The following SEMA3A variants were observed in gnomAD, a reference collection of about 807,000 sequenced individuals.
SEMA3A encodes semaphorin-3A.
Under a neutral mutation model 97.9 loss-of-function variants are expected in SEMA3A, and 29 were observed. That is an observed-to-expected ratio of 0.30 (90% CI 0.22 to 0.40). The LOEUF (loss-of-function observed/expected upper bound fraction) is 0.40, where lower values mean the gene tolerates loss of function less well. Among genes scored for constraint, SEMA3A ranks in the 10% least tolerant of loss-of-function variants. The probability of loss-of-function intolerance (pLI) is 1.00; values close to 1 mark genes in which losing one functional copy is unlikely to be tolerated. For missense variants in SEMA3A, 763 were observed against 951.3 expected (o/e 0.80, Z 2.60); for synonymous variants, 321 against 323.7 (o/e 0.99, Z 0.09).
intron 1 of SEMA3A, among the ~76,000 whole-genome samples, chr7:84,463,433 A>G (rs1053051058): frequency 2.6e-5 from 4 of 151,596 alleles, no homozygotes; most frequent in African/African-American, 9.7e-5. Context: ...TATTTTTAGT[A>G]GAGACGGGGT....
intron 3 of SEMA3A, among the ~76,000 whole-genome samples, chr7:84,218,278 T>C (rs1798796792): frequency 6.6e-6 from 1 of 152,112 alleles, no homozygotes; most frequent in African/African-American, 2.4e-5. Context: ...CTAATAATGA[T>C]TTAAAAATTT....
chr7:84,191,071 A>C (rs1251311839), intron 1 of SEMA3A, among the ~76,000 whole-genome samples: 3 of 151,238 alleles, frequency 2.0e-5, no homozygotes, highest in African/African-American at 7.3e-5. Flanking sequence ...TTAATTTTTG[A>C]ACTAATTGTA....
chr7:84,408,509 G>C (rs1269021549), intron 1 of SEMA3A, among the ~76,000 whole-genome samples: 3 of 151,980 alleles, frequency 2.0e-5, no homozygotes, highest in Non-Finnish European at 4.4e-5. Context: ...TCTAGAACTA[G>C]AAATACCATC....
At chr7:83,980,771 G>A (rs921412029) in intron 14 of SEMA3A, among the ~76,000 whole-genome samples, 6 of 151,184 alleles carry the variant, frequency 4.0e-5, no homozygotes, top group African/African-American at 7.3e-5. Flanking sequence ...GCAAATGCAA[G>A]GTGATGCTAT....
At chr7:84,285,970 CAA>C (rs564063430) in intron 3 of SEMA3A, among the ~76,000 whole-genome samples, 19 of 70,122 alleles carry the variant, frequency 2.7e-4, no homozygotes, top group East Asian at 2.0e-3. Flanking sequence ...GACCCCATCT[CAA>C]AAAAAAAAAA....
chr7:84,292,430 T>C (rs1312743863), intron 3 of SEMA3A, among the ~76,000 whole-genome samples: 1 of 149,664 alleles, frequency 6.7e-6, no homozygotes, highest in African/African-American at 2.5e-5. Context: ...ATTGAATACT[T>C]GACTAAAAAA....
chr7:84,253,017 T>C (rs963582717), intron 3 of SEMA3A, among the ~76,000 whole-genome samples: 1 of 152,146 alleles, frequency 6.6e-6, no homozygotes, highest in Non-Finnish European at 1.5e-5. Context: ...TAGCTGGGAC[T>C]ACAGGCGTGT....
chr7:84,169,355 T>C (rs1797312819), intron 1 of SEMA3A, among the ~76,000 whole-genome samples: 2 of 151,036 alleles, frequency 1.3e-5, no homozygotes, highest in African/African-American at 4.8e-5. Flanking sequence ...TATTCACTTA[T>C]AGGATGTCTA....
chr7:83,983,944 A>T (rs1204825762), intron 13 of SEMA3A, among the ~76,000 whole-genome samples: 1 of 152,192 alleles, frequency 6.6e-6, no homozygotes, highest in African/African-American at 2.4e-5. Flanking sequence ...CATAAGCATG[A>T]ATGAAATTGA....
Position 84,287,846 on chromosome 7 carries a change from A to G in SEMA3A, c.-83+19361T>C, listed in dbSNP as rs74506276. 0.013 allele frequency among the ~76,000 whole-genome samples: 1,939 copies of G among 152,262 alleles called. 63 individuals carry two copies. In the East Asian group the frequency reaches 0.14, roughly 11 times the overall value. On this transcript the variant is annotated intron_variant, in intron 3 of 3. Transcript: ENST00000424555. ...TGCATTAGAAAGTTCTTATAAGACA[A>G]TGAGAAGGACTATTTAATTTGACTA...
chr7:84,041,857 C>T (rs951545997), intron 6 of SEMA3A, among the ~76,000 whole-genome samples: 4 of 151,926 alleles, frequency 2.6e-5, no homozygotes, highest in East Asian at 1.9e-4. Context: ...AAGAAATAAT[C>T]AAAAATGACA....
intron 1 of SEMA3A, among the ~76,000 whole-genome samples, chr7:84,135,403 G>T (rs1796096149): frequency 6.6e-6 from 1 of 151,964 alleles, no homozygotes; most frequent in Non-Finnish European, 1.5e-5. Flanking sequence ...GAGCCAGTGT[G>T]CCCGGCCTGC....
At chr7:84,468,417 T>C (rs1407395543) in intron 1 of SEMA3A, among the ~76,000 whole-genome samples, 1 of 152,164 alleles carries the variant, frequency 6.6e-6, no homozygotes, top group African/African-American at 2.4e-5. Flanking sequence ...AGGTGCCTAG[T>C]TTACTGCATT....
chr7:84,330,529 T>G (rs560707058), intron 2 of SEMA3A, among the ~76,000 whole-genome samples: 8 of 152,176 alleles, frequency 5.3e-5, no homozygotes, highest in African/African-American at 1.9e-4. Flanking sequence ...GTGGCAGAGA[T>G]GGTGAGGACA....
chr7:84,289,733 C>T (rs10231009), intron 3 of SEMA3A, among the ~76,000 whole-genome samples: 3,889 of 152,160 alleles, frequency 0.026, 169 homozygotes, highest in African/African-American at 0.089. Flanking sequence ...AAAAGTTATA[C>T]ATACTGTTAC....
chr7:84,079,639 A>G (rs1350813563), intron 4 of SEMA3A, among the ~76,000 whole-genome samples: 1 of 148,044 alleles, frequency 6.8e-6, no homozygotes, highest in Non-Finnish European at 1.5e-5. Flanking sequence ...AATGCAAATC[A>G]AAACCACAAT....
rs779817000 is a variant in SEMA3A, at chr7:84,046,452, T to C, written c.548-9A>G. ...AGAGTATAATTCTCCATCTGTGTTG[T>C]GACAAAACCACATACACATTCTTTA... is the stretch of plus-strand genomic sequence containing the variant. On this transcript the variant is annotated splice_polypyrimidine_tract_variant and intron_variant, in intron 5 of 16. Transcript: ENST00000265362. The C allele has an allele frequency of 6.2e-7, 1 of 1,612,518 alleles. No individual in the cohort carries two copies. The highest frequency in any genetic ancestry group is 1.1e-5 in the South Asian group (1 of 90,992).
At chr7:84,234,419 T>G (rs1799187094) in intron 3 of SEMA3A, among the ~76,000 whole-genome samples, 1 of 152,202 alleles carries the variant, frequency 6.6e-6, no homozygotes, top group Admixed American at 6.6e-5. Context: ...CTTTTCTACT[T>G]TTGACACACA....
chr7:84,353,894 G>A lies in SEMA3A; in HGVS notation c.-169+17930C>T, dbSNP rs189432628. On this transcript the variant is annotated intron_variant, in intron 2 of 3. Transcript: ENST00000424555. ...ATTTTATCTTCTTTTTAAACTGTAT[G>A]TTACATTACAAATACTGAAATTGCA... Among the ~76,000 whole-genome samples, 385 of 151,536 alleles carry A rather than the reference G, an allele frequency of 2.5e-3. 5 individuals are homozygous for A. The highest frequency in any genetic ancestry group is 0.015 in the Admixed American group (233 of 15,176).
Sources: gnomAD v4.1 joint callset for allele counts (sites outside exome capture counted in the v4.1 genomes callset) on GRCh38, gnomAD v4.1.1 for gene constraint, MANE v1.5 for transcripts, NCBI Gene and HGNC (gene_info 2026-07-23, HGNC 2026-07-21) for gene names.